The following TMEM209 variants were observed in gnomAD, a reference collection of about 807,000 sequenced individuals.
TMEM209 encodes transmembrane protein 209.
TMEM209 carries 65 observed loss-of-function variants against 76.2 expected under a neutral mutation model. That is an observed-to-expected ratio of 0.85 (90% CI 0.70 to 1.05). TMEM209 has a LOEUF of 1.05. Among genes scored for constraint, TMEM209 ranks in the 50% least tolerant of loss-of-function variants. TMEM209 has a pLI of 0.00. For missense variants in TMEM209, 623 were observed against 685.5 expected, an observed-to-expected ratio of 0.91 and a Z score of 1.02; for synonymous variants, 239 against 237.6, an observed-to-expected ratio of 1.01 and a Z score of -0.06.
rs1042556071 is a variant in TMEM209 at position 130,175,269 on chromosome 7, C to T, written c.1344+243G>A. Reference sequence around the variant, plus strand: ...TTGAACCCAGGACTTCAAGACCAGCCTGGGCAAAAAAGTGAGACCCCATCT... The same window carrying T: ...TTGAACCCAGGACTTCAAGACCAGCTTGGGCAAAAAAGTGAGACCCCATCT... On this transcript the variant is annotated intron_variant, in intron 11 of 14. Coordinates refer to ENST00000397622, the MANE Select transcript of TMEM209 (RefSeq NM_032842.4). 4 of 371,140 alleles carry T rather than the reference C, an allele frequency of 1.1e-5. No homozygotes were observed. In the East Asian group the frequency reaches 1.8e-4, roughly 17 times the overall value. 23.0% of individuals were successfully genotyped at this position (371,140 alleles called of 1,614,324 possible).
At chr7:130,192,075 C>T (rs539220102) in intron 6 of TMEM209, among the ~76,000 whole-genome samples, 6 of 152,300 alleles carry the variant, frequency 3.9e-5, no homozygotes, top group African/African-American at 1.2e-4. Context: ...GTTCAATAAC[C>T]TAATTTGGTT....
At chr7:130,202,815 A>G (rs1466255198) in intron 3 of TMEM209, among the ~76,000 whole-genome samples, 152 bp from the exon 4 acceptor site, 1 of 152,150 alleles carries the variant, frequency 6.6e-6, no homozygotes, top group Non-Finnish European at 1.5e-5. Flanking sequence ...GTGGCTGGGC[A>G]TGGTGGCTCA....
intron 8 of TMEM209, among the ~76,000 whole-genome samples, chr7:130,183,293 G>A (rs1410155478): frequency 2.0e-5 from 3 of 152,030 alleles, no homozygotes; most frequent in Non-Finnish European, 4.4e-5. Flanking sequence ...GTACTCTTTG[G>A]CTGTAACAAA....
chr7:130,174,528 AAC>A lies in TMEM209; in HGVS notation c.1345-591_1345-590del, dbSNP rs757708903. On this transcript the variant is annotated intron_variant, in intron 11 of 14. Transcript: ENST00000397622. ...TTTTGCTAAGTGGATCATTCATACCAACACAGTTAATAGCAAAACCAAGATAA... is the reference window on the plus strand; with the variant it reads ...TTTTGCTAAGTGGATCATTCATACCAACAGTTAATAGCAAAACCAAGATAA... Among the ~76,000 whole-genome samples, 17 of 152,310 alleles carry A rather than the reference AAC, an allele frequency of 1.1e-4. No individual in the cohort carries two copies. In the East Asian group the frequency reaches 2.9e-3, roughly 26 times the overall value.
intron 5 of TMEM209, among the ~76,000 whole-genome samples, chr7:130,195,519 C>T (rs998263960): frequency 6.6e-6 from 1 of 151,686 alleles, no homozygotes; most frequent in Non-Finnish European, 1.5e-5. Context: ...TAGGAAACAG[C>T]TTTTCGAACT....
intron 5 of TMEM209, among the ~76,000 whole-genome samples, chr7:130,194,511 C>A (rs1485665608): frequency 6.6e-6 from 1 of 152,028 alleles, no homozygotes; most frequent in Non-Finnish European, 1.5e-5. Flanking sequence ...AACTTTGCCA[C>A]CCAGAGATAA....
chr7:130,188,852 A>C (rs1048262132), intron 6 of TMEM209, among the ~76,000 whole-genome samples: 3 of 152,170 alleles, frequency 2.0e-5, no homozygotes, highest in African/African-American at 7.2e-5. Context: ...ACATGCCACC[A>C]CCCATGTTGT....
intron 9 of TMEM209, among the ~76,000 whole-genome samples, chr7:130,179,382 A>G (rs1392856405): frequency 6.6e-6 from 1 of 152,208 alleles, no homozygotes; most frequent in East Asian, 1.9e-4. Flanking sequence ...AAATCTATAA[A>G]CAACTAATAT....
intron 6 of TMEM209, 106 bp from the exon 7 acceptor site, chr7:130,185,473 C>A (rs968571458): frequency 2.1e-6 from 2 of 937,522 alleles, no homozygotes; most frequent in African/African-American, 1.6e-5. Context: ...AAGACCAACC[C>A]TCAAGGAGAT....
intron 6 of TMEM209, among the ~76,000 whole-genome samples, chr7:130,188,447 T>A (rs1366900251): frequency 6.6e-6 from 1 of 151,548 alleles, no homozygotes; most frequent in African/African-American, 2.4e-5. Flanking sequence ...ATACAAAAAA[T>A]TAGCCAGGCG....
chr7:130,204,762 G>A (rs1798372053), intron 1 of TMEM209, among the ~76,000 whole-genome samples: 1 of 152,198 alleles, frequency 6.6e-6, no homozygotes, highest in African/African-American at 2.4e-5. Flanking sequence ...CACGGACTAG[G>A]CAAAAGGCTA....
intron 13 of TMEM209, among the ~76,000 whole-genome samples, chr7:130,173,110 C>T (rs534283736): frequency 6.6e-6 from 1 of 151,360 alleles, no homozygotes; most frequent in East Asian, 1.9e-4. Context: ...ATAATTTTAG[C>T]CCATAAAAAA....
chr7:130,201,767 A>T (rs773430709), intron 5 of TMEM209, 83 bp downstream of exon 5: 1 of 1,539,260 alleles, frequency 6.5e-7, no homozygotes, highest in Non-Finnish European at 8.8e-7. Flanking sequence ...TTGCTCACTG[A>T]TAAGTTTTGA....
chr7:130,203,202 T>C (rs188234743), intron 3 of TMEM209, among the ~76,000 whole-genome samples: 41 of 152,308 alleles, frequency 2.7e-4, no homozygotes, highest in Admixed American at 2.2e-3. Context: ...TAAACCAACA[T>C]TATTCAGAAG....
chr7:130,174,906 A>G (rs193131458), intron 11 of TMEM209, among the ~76,000 whole-genome samples: 1 of 152,186 alleles, frequency 6.6e-6, no homozygotes, highest in Non-Finnish European at 1.5e-5. Context: ...GGCTGAAGTA[A>G]AAAAAAACCC....
At chr7:130,174,016 G>T in intron 11 of TMEM209, 77 bp from the exon 12 acceptor site, 1 of 985,336 alleles carries the variant, frequency 1.0e-6, no homozygotes, top group Non-Finnish European at 1.6e-6. Flanking sequence ...AGAAACATCT[G>T]TATTTATAAC....
chr7:130,181,590 A>AG, intron 9 of TMEM209, 33 bp downstream of exon 9: 1 of 1,562,416 alleles, frequency 6.4e-7, no homozygotes, highest in Non-Finnish European at 8.8e-7. Flanking sequence ...ATTTACTAAT[A>AG]GAAATCCAAC....
intron 9 of TMEM209, among the ~76,000 whole-genome samples, chr7:130,181,260 C>T (rs1797402848): frequency 6.6e-6 from 1 of 152,120 alleles, no homozygotes; most frequent in Non-Finnish European, 1.5e-5. Context: ...CACAACAGGC[C>T]TATCTATAGA....
Position 130,175,524 on chromosome 7 carries a change from G to A in TMEM209, c.1332C>T (p.Pro444=), listed in dbSNP as rs780822266. 5.0e-6 allele frequency: 8 copies of A among 1,612,208 alleles called. No individual in the cohort carries two copies. In the African/African-American group the frequency reaches 6.7e-5, roughly 13 times the overall value. ...FKGRKWDTDL[P]TDSAIIMHVF... ...TCTAGGGGCTTACAGCAGAATCGGT[G>A]GGCAGGTCTGTATCCCACTTTCGTC... The change falls in exon 11 of 15, where the codon CCC becomes CCT. Residue 444 remains proline, a synonymous_variant. Coordinates refer to ENST00000397622, the MANE Select transcript of TMEM209 (RefSeq NM_032842.4).
Sources: allele counts gnomAD v4.1 joint callset (sites outside exome capture counted in the v4.1 genomes callset), GRCh38; gene constraint gnomAD v4.1.1; transcripts MANE v1.5; gene names NCBI Gene and HGNC (gene_info 2026-07-23, HGNC 2026-07-21).